The following ANKS1B variants were observed in gnomAD, a reference collection of about 807,000 sequenced individuals.
The protein encoded by ANKS1B is ankyrin repeat and sterile alpha motif domain-containing protein 1B.
Under a neutral mutation model 148.3 loss-of-function variants are expected in ANKS1B, and 36 were observed. The ratio of observed to expected loss-of-function variants is 0.24; its 90% CI spans 0.19 to 0.32. The LOEUF is 0.32. Among genes scored for constraint, ANKS1B ranks in the 10% least tolerant of loss-of-function variants. The pLI, the probability that ANKS1B is intolerant of heterozygous loss-of-function variation, is 1.00. For missense variants in ANKS1B, 1,157 were observed against 1,542.6 expected (o/e 0.75, Z 4.19); for synonymous variants, 542 against 560.8 (o/e 0.97, Z 0.47).
At chr12:99,026,954 C>A (rs976576795) in intron 17 of ANKS1B, among the ~76,000 whole-genome samples, 3 of 152,146 alleles carry the variant, frequency 2.0e-5, no homozygotes, top group Non-Finnish European at 1.5e-5. Flanking sequence ...TAAAGAAATG[C>A]GGGGATGAAT....
At chr12:98,740,731 C>T (rs916399490), downstream of ANKS1B, among the ~76,000 whole-genome samples, 3 of 152,214 alleles carry the variant, frequency 2.0e-5, no homozygotes, top group African/African-American at 7.2e-5. Flanking sequence ...GTGTGCTCAG[C>T]TAAAACTAAC....
chr12:99,333,854 G>GTTTTTTTTTTTTTTGTTTTT (rs1555391371), intron 12 of ANKS1B, among the ~76,000 whole-genome samples: 1 of 107,484 alleles, frequency 9.3e-6, no homozygotes. Flanking sequence ...CCAGTTCTCA[G>GTTTTTTTTTTTTTTGTTTTT]TTTTTTTTTT....
intron 1 of ANKS1B, among the ~76,000 whole-genome samples, chr12:99,899,414 G>A (rs116930902): frequency 0.025 from 3,859 of 152,112 alleles, 73 homozygotes; most frequent in Non-Finnish European, 0.041. Flanking sequence ...GGTATGTGTT[G>A]AAATAGAAAT....
intron 9 of ANKS1B, among the ~76,000 whole-genome samples, chr12:99,607,543 C>T (rs1379254241): frequency 6.6e-6 from 1 of 151,952 alleles, no homozygotes; most frequent in Non-Finnish European, 1.5e-5. Flanking sequence ...TATTTAATGA[C>T]ATAATCATAC....
At chr12:99,049,743 TCATGGGGCATGTGAAATAATTTA>T (rs1252794136) in intron 17 of ANKS1B, among the ~76,000 whole-genome samples, 2 of 152,226 alleles carry the variant, frequency 1.3e-5, no homozygotes, top group Non-Finnish European at 2.9e-5. Flanking sequence ...CAGATTATTT[TCATGGGGCATGTGAAATAATTTA>T]CATGGGACAC....
chr12:99,835,249 A>C (rs898964517), intron 1 of ANKS1B, among the ~76,000 whole-genome samples: 3 of 55,476 alleles, frequency 5.4e-5, no homozygotes, highest in South Asian at 5.3e-4. Flanking sequence ...CCATCTCTAC[A>C]AAAAAAAAAA....
At chr12:99,668,615 A>G (rs1222191858) in intron 8 of ANKS1B, among the ~76,000 whole-genome samples, 2 of 151,832 alleles carry the variant, frequency 1.3e-5, no homozygotes, top group East Asian at 3.9e-4. Flanking sequence ...ATTATGATGT[A>G]TCTTTGTCTA....
intron 14 of ANKS1B, among the ~76,000 whole-genome samples, chr12:99,228,880 C>T (rs948644146): frequency 6.6e-6 from 1 of 151,816 alleles, no homozygotes; most frequent in African/African-American, 2.4e-5. Flanking sequence ...AGCATTGATA[C>T]CTATAAAGTT....
chr12:99,926,728 T>G (rs762013521), intron 1 of ANKS1B, among the ~76,000 whole-genome samples: 2 of 152,230 alleles, frequency 1.3e-5, no homozygotes, highest in Non-Finnish European at 2.9e-5. Flanking sequence ...TGGAGAACCC[T>G]AATACACACT....
rs1266341734 is a variant in ANKS1B at position 99,954,618 on chromosome 12, TTCACCCTTTC to T, written c.134+29476_134+29485del. Reference sequence around the variant, plus strand: ...GGAGCCATTCATTATCACTGTTGCCTTCACCCTTTCCTTAGCTAACAGCAGCCACTTGATT... The same window carrying T: ...GGAGCCATTCATTATCACTGTTGCCTCTTAGCTAACAGCAGCCACTTGATT... On this transcript the variant is annotated intron_variant, in intron 1 of 26. Transcript: ENST00000683438. 8.7e-3 allele frequency among the ~76,000 whole-genome samples: 1,331 copies of T among 152,310 alleles called. 24 individuals carry two copies. The highest frequency in any genetic ancestry group is 0.03 in the African/African-American group (1,265 of 41,554).
intron 14 of ANKS1B, among the ~76,000 whole-genome samples, chr12:99,173,881 T>C (rs2078072184): frequency 6.6e-6 from 1 of 152,128 alleles, no homozygotes; most frequent in African/African-American, 2.4e-5. Flanking sequence ...GGGATAGGTA[T>C]ATGACCAAAA....
At chr12:99,519,937 TAAAC>T (rs2096858421) in intron 9 of ANKS1B, among the ~76,000 whole-genome samples, 1 of 152,142 alleles carries the variant, frequency 6.6e-6, no homozygotes, top group Admixed American at 6.6e-5. Context: ...ATGCAAAAAG[TAAAC>T]TAATGAAGGC....
At chr12:99,549,046 T>G (rs995989108) in intron 9 of ANKS1B, among the ~76,000 whole-genome samples, 1 of 152,138 alleles carries the variant, frequency 6.6e-6, no homozygotes, top group Non-Finnish European at 1.5e-5. Context: ...GACTAGCAAT[T>G]TACCTATATC....
At chr12:99,577,229 G>T (rs1393381322) in intron 9 of ANKS1B, among the ~76,000 whole-genome samples, 1 of 150,850 alleles carries the variant, frequency 6.6e-6, no homozygotes, top group East Asian at 1.9e-4. Context: ...TTTCTGTCCT[G>T]CTATTTCACT....
At chr12:99,487,623 G>T (rs796298600) in intron 10 of ANKS1B, among the ~76,000 whole-genome samples, 2 of 148,914 alleles carry the variant, frequency 1.3e-5, no homozygotes, top group South Asian at 2.2e-4. Flanking sequence ...TATGGGGGGG[G>T]GACATTTTTC....
rs193145272 is a variant in ANKS1B, at chr12:99,984,593, G to A, written c.-356C>T. On this transcript the variant is annotated 5_prime_UTR_variant, in exon 1 of 27. Transcript: ENST00000683438. ...TGAGGAGCGGGAGGAGGGTGGTGAG[G>A]ACTGAGGTCGGAGGAGGAGGAGGAG... The A allele has an allele frequency of 5.1e-6, 1 of 196,832 alleles. No homozygotes were observed. The highest frequency in any genetic ancestry group is 1.0e-5 in the Non-Finnish European group (1 of 96,132). The allele number at this position is 196,832 out of a possible 1,614,324, so 12.2% of individuals were successfully genotyped here.
intron 9 of ANKS1B, among the ~76,000 whole-genome samples, chr12:99,620,073 T>C (rs767890107): frequency 6.6e-5 from 10 of 152,066 alleles, no homozygotes; most frequent in Non-Finnish European, 1.5e-4. Flanking sequence ...TACTGGCTTG[T>C]AGGTTGAACT....
At chr12:99,539,698 C>T (rs1031912741) in intron 9 of ANKS1B, among the ~76,000 whole-genome samples, 1 of 152,030 alleles carries the variant, frequency 6.6e-6, no homozygotes, top group African/African-American at 2.4e-5. Flanking sequence ...AAGAGATGAG[C>T]AGAATGGACT....
At chr12:99,291,066 T>A (rs766219588) in intron 12 of ANKS1B, among the ~76,000 whole-genome samples, 4 of 151,986 alleles carry the variant, frequency 2.6e-5, no homozygotes, top group Non-Finnish European at 5.9e-5. Context: ...AAAACCAACA[T>A]ACAATAATCA....
Sources: allele counts gnomAD v4.1 joint callset (sites outside exome capture counted in the v4.1 genomes callset), GRCh38; gene constraint gnomAD v4.1.1; transcripts MANE v1.5; gene names NCBI Gene and HGNC (gene_info 2026-07-23, HGNC 2026-07-21).